The following PLEKHA7 variants were observed in gnomAD, a reference collection of about 807,000 sequenced individuals.
PLEKHA7 encodes the protein pleckstrin homology domain containing A7.
In PLEKHA7, 104 loss-of-function variants were observed where a neutral mutation model predicts 170.0. That is an observed-to-expected ratio of 0.61 (90% CI 0.52 to 0.72). PLEKHA7 has a LOEUF of 0.72. Ranked by LOEUF, PLEKHA7 falls within the 30% of genes least tolerant of loss-of-function variation. PLEKHA7 has a pLI of 0.00. For synonymous variants in PLEKHA7, 648 were observed against 660.8 expected (o/e 0.98, Z 0.30); for missense variants, 1,615 against 1,671.7 (o/e 0.97, Z 0.59).
chr11:16,963,554 C>A (rs1484347623), intron 3 of PLEKHA7, among the ~76,000 whole-genome samples: 4 of 152,140 alleles, frequency 2.6e-5, no homozygotes, highest in African/African-American at 9.7e-5. Flanking sequence ...GGCTGCAACA[C>A]TGGAGCTGTC....
Position 16,786,213 on chromosome 11 carries a change from A to G in PLEKHA7, c.3516+16T>C. 1 of 1,535,460 alleles carries G rather than the reference A, an allele frequency of 6.5e-7. No homozygotes were observed. The highest frequency in any genetic ancestry group is 8.7e-7 in the Non-Finnish European group (1 of 1,146,406). ...CCATGTCTCCTGGAGGACATGAAGG[A>G]AGTGCCTGCCCTCACCTCTCTGCTG... is the stretch of plus-strand genomic sequence containing the variant. On this transcript the variant is annotated intron_variant, in intron 24 of 26. Coordinates refer to ENST00000531066, the MANE Select transcript of PLEKHA7 (RefSeq NM_001329630.2).
chr11:16,973,034 C>T (rs7130301), intron 3 of PLEKHA7, among the ~76,000 whole-genome samples: 110,795 of 152,112 alleles, frequency 0.73, 40,629 homozygotes, highest in East Asian at 0.87. Flanking sequence ...AATCAAAGAC[C>T]CTCTGTTTCC....
chr11:16,909,539 G>A (rs1002645035), intron 3 of PLEKHA7, among the ~76,000 whole-genome samples: 21 of 152,194 alleles, frequency 1.4e-4, no homozygotes, highest in African/African-American at 4.8e-4. Context: ...ACTCTCCAAG[G>A]CAGCAGCCTA....
intron 3 of PLEKHA7, among the ~76,000 whole-genome samples, chr11:16,931,453 T>G (rs1859916045): frequency 6.6e-6 from 1 of 152,162 alleles, no homozygotes; most frequent in African/African-American, 2.4e-5. Flanking sequence ...CCAGGTACAG[T>G]GGCTCACACC....
intron 17 of PLEKHA7, among the ~76,000 whole-genome samples, chr11:16,797,635 T>C (rs1848323599): frequency 6.6e-6 from 1 of 152,152 alleles, no homozygotes. Context: ...GGCAAGCTAA[T>C]AATGGGTTTG....
intron 3 of PLEKHA7, among the ~76,000 whole-genome samples, chr11:16,956,669 T>G (rs896686905): frequency 1.3e-5 from 2 of 152,204 alleles, no homozygotes; most frequent in Admixed American, 6.5e-5. Flanking sequence ...CTCATAGTCC[T>G]GGATTCCAAA....
chr11:16,812,634 C>T (rs1792341366), intron 13 of PLEKHA7, among the ~76,000 whole-genome samples: 1 of 152,176 alleles, frequency 6.6e-6, no homozygotes, highest in Non-Finnish European at 1.5e-5. Flanking sequence ...GGGAGGGGCC[C>T]AGCCTTCACC....
intron 8 of PLEKHA7, among the ~76,000 whole-genome samples, chr11:16,846,996 G>C (rs1852459571): frequency 1.3e-5 from 2 of 151,826 alleles, no homozygotes; most frequent in East Asian, 3.9e-4. Flanking sequence ...CTCAGAGAAG[G>C]CTTCCCAGAC....
chr11:16,985,454 C>T lies in PLEKHA7; in HGVS notation c.221+28535G>A, dbSNP rs561494480. ...CAACAATGTGAGAGAGATGTAGACA[C>T]AAAAAGGTGTAACATGAAGCAGGAC... On this transcript the variant is annotated intron_variant, in intron 3 of 26. Coordinates refer to ENST00000531066, the MANE Select transcript of PLEKHA7 (RefSeq NM_001329630.2). 8.7e-5 allele frequency among the ~76,000 whole-genome samples: 12 copies of T among 138,202 alleles called. No individual in the cohort carries two copies. In the South Asian group the frequency reaches 2.6e-3, roughly 30 times the overall value. 90.7% of individuals were successfully genotyped at this position (138,202 alleles called of 152,430 possible). A position where few individuals can be genotyped will look rare whatever the true frequency, so the allele number is the denominator to read the frequency against.
At chr11:16,856,124 C>T (rs1187749122) in intron 4 of PLEKHA7, among the ~76,000 whole-genome samples, 1 of 152,184 alleles carries the variant, frequency 6.6e-6, no homozygotes, top group East Asian at 1.9e-4. Context: ...CAGATAGGCA[C>T]ATCTCCACAG....
intron 3 of PLEKHA7, among the ~76,000 whole-genome samples, chr11:17,005,701 C>A (rs1029612487): frequency 6.6e-6 from 1 of 152,188 alleles, no homozygotes; most frequent in South Asian, 2.1e-4. Context: ...CAACTTGCAA[C>A]CATTTTTCTT....
At chr11:16,861,356 T>C (rs553797091) in intron 4 of PLEKHA7, among the ~76,000 whole-genome samples, 2,425 of 65,324 alleles carry the variant, frequency 0.037, 56 homozygotes, top group African/African-American at 0.077. Context: ...TCTGTCTCTA[T>C]TAAAATTAAA....
At chr11:16,892,465 A>T (rs978533587) in intron 3 of PLEKHA7, among the ~76,000 whole-genome samples, 24 of 69,812 alleles carry the variant, frequency 3.4e-4, no homozygotes, top group East Asian at 7.2e-4. Context: ...TTTTGTTTTG[A>T]GATAAAGTAT....
At chr11:16,955,946 C>T (rs542757303) in intron 3 of PLEKHA7, among the ~76,000 whole-genome samples, 10 of 152,070 alleles carry the variant, frequency 6.6e-5, no homozygotes, top group South Asian at 4.1e-4. Flanking sequence ...AGGAGAGGAT[C>T]GCTTCAGCCC....
intron 17 of PLEKHA7, among the ~76,000 whole-genome samples, chr11:16,799,111 T>C (rs1320017175): frequency 6.6e-6 from 1 of 152,200 alleles, no homozygotes; most frequent in African/African-American, 2.4e-5. Flanking sequence ...CTGGTGTAAA[T>C]GAGGAATACA....
In PLEKHA7 at chr11:16,803,070, T is replaced by TGGAGAGGGCCTGGGGTGATGA; in HGVS notation, c.2077-39_2077-19dup. 6.2e-7 allele frequency: 1 copy of TGGAGAGGGCCTGGGGTGATGA among 1,606,834 alleles called. No homozygotes were observed. Among genetic ancestry groups the TGGAGAGGGCCTGGGGTGATGA allele is most frequent in the Non-Finnish European group, 8.5e-7 (1 of 1,173,414 alleles). On this transcript the variant is annotated intron_variant, in intron 14 of 26. Transcript: ENST00000531066. ...AGTTTGACCTAAAAGCAAGAACAGG[T>TGGAGAGGGCCTGGGGTGATGA]GGAGAGGGCCTGGGGTGATGAGAAA...
intron 19 of PLEKHA7, among the ~76,000 whole-genome samples, chr11:16,793,957 TC>T (rs1281765984): frequency 6.6e-6 from 1 of 152,248 alleles, no homozygotes; most frequent in Admixed American, 6.5e-5. Context: ...CTCTTAGTTT[TC>T]TTCTCTGTGG....
At chr11:16,999,418 CATTCAGTGG>C (rs1236623985) in intron 3 of PLEKHA7, among the ~76,000 whole-genome samples, 1 of 151,990 alleles carries the variant, frequency 6.6e-6, no homozygotes, top group Admixed American at 6.5e-5. Context: ...ACATAGGCCT[CATTCAGTGG>C]TCACTCACAA....
At chr11:16,936,427 T>C (rs1431820322) in intron 3 of PLEKHA7, among the ~76,000 whole-genome samples, 2 of 51,186 alleles carry the variant, frequency 3.9e-5, no homozygotes, top group Non-Finnish European at 9.4e-5. Flanking sequence ...AAAAAAAAAA[T>C]CAGGTCTCTA....
Sources: allele counts gnomAD v4.1 joint callset (sites outside exome capture counted in the v4.1 genomes callset), GRCh38; gene constraint gnomAD v4.1.1; transcripts MANE v1.5; gene names NCBI Gene and HGNC (gene_info 2026-07-23, HGNC 2026-07-21).